ERG: variants seen among roughly 807,000 people sequenced by gnomAD.
ERG encodes the protein ETS transcription factor ERG.
A neutral mutation model predicts 55.3 loss-of-function variants in ERG; 9 were observed. That is an observed-to-expected ratio of 0.16 (90% confidence interval 0.10 to 0.28). The LOEUF (loss-of-function observed/expected upper bound fraction) is 0.28. ERG is among the 10% of genes least tolerant of loss of function. ERG has a pLI of 1.00. For missense variants in ERG, 434 were observed against 631.6 expected (o/e 0.69, Z 3.35); for synonymous variants, 223 against 237.3 (o/e 0.94, Z 0.55).
chr21:38,455,725 C>A (rs1412976054), intron 1 of ERG, among the ~76,000 whole-genome samples: 1 of 151,926 alleles, frequency 6.6e-6, no homozygotes, highest in Admixed American at 6.6e-5. Flanking sequence ...GGCCTCCACC[C>A]ACAACTCTGT....
chr21:38,462,525 T>C (rs1308228979), intron 1 of ERG, among the ~76,000 whole-genome samples: 5 of 152,194 alleles, frequency 3.3e-5, no homozygotes, highest in South Asian at 2.1e-4. Flanking sequence ...TAAGACACTT[T>C]ATGAAGAACA....
intron 1 of ERG, among the ~76,000 whole-genome samples, chr21:38,641,505 C>T (rs139208606): frequency 0.016 from 2,440 of 152,286 alleles, 54 homozygotes; most frequent in African/African-American, 0.055. Context: ...GTTGCATCTG[C>T]CCCTTCCCAC....
At chr21:38,429,746 TACAC>T (rs148029371) in intron 2 of ERG, among the ~76,000 whole-genome samples, 3 of 107,854 alleles carry the variant, frequency 2.8e-5, no homozygotes, top group Non-Finnish European at 6.1e-5. Flanking sequence ...TATATATATA[TACAC>T]ACACACACAC....
chr21:38,567,395 A>C (rs2059929790), intron 2 of ERG, among the ~76,000 whole-genome samples: 1 of 152,204 alleles, frequency 6.6e-6, no homozygotes, highest in African/African-American at 2.4e-5. Context: ...AGAAATTTTA[A>C]TTGTGCCATC....
At chr21:38,417,960 A>C (rs999526619) in intron 3 of ERG, among the ~76,000 whole-genome samples, 1 of 152,192 alleles carries the variant, frequency 6.6e-6, no homozygotes, top group African/African-American at 2.4e-5. Context: ...CTTGGTTAGC[A>C]CATCTCCATG....
chr21:38,463,943 G>C (rs976438929), intron 1 of ERG, among the ~76,000 whole-genome samples: 3 of 152,132 alleles, frequency 2.0e-5, no homozygotes. Flanking sequence ...TGCTACTGGG[G>C]TCATGGGTTA....
intron 2 of ERG, among the ~76,000 whole-genome samples, chr21:38,437,959 C>T (rs1172842217): frequency 6.6e-6 from 1 of 152,190 alleles, no homozygotes; most frequent in Non-Finnish European, 1.5e-5. Context: ...TCTGAACTCA[C>T]CAGAAAGTGA....
At chr21:38,654,536 C>A (rs2060507336) in intron 1 of ERG, among the ~76,000 whole-genome samples, 3 of 152,206 alleles carry the variant, frequency 2.0e-5, no homozygotes, top group Admixed American at 2.0e-4. Context: ...TCAATAATAT[C>A]CCTCTCTGTT....
intron 5 of ERG, among the ~76,000 whole-genome samples, chr21:38,401,199 G>T (rs1447353478): frequency 6.6e-6 from 1 of 152,110 alleles, no homozygotes; most frequent in Non-Finnish European, 1.5e-5. Context: ...TTTGGAATTT[G>T]TTGTCTTGTT....
At chr21:38,532,721 T>C (rs2059681617) in intron 2 of ERG, among the ~76,000 whole-genome samples, 1 of 152,250 alleles carries the variant, frequency 6.6e-6, no homozygotes, top group Non-Finnish European at 1.5e-5. Context: ...AAGTCTGACA[T>C]GGATTTTCAG....
At chr21:38,396,589 T>C (rs1324327503) in intron 6 of ERG, among the ~76,000 whole-genome samples, 1 of 152,222 alleles carries the variant, frequency 6.6e-6, no homozygotes, top group African/African-American at 2.4e-5. Flanking sequence ...CCCAGAGGCA[T>C]ATCATAATAT....
intron 2 of ERG, among the ~76,000 whole-genome samples, chr21:38,556,558 A>T (rs997357695): frequency 1.3e-5 from 2 of 152,152 alleles, no homozygotes; most frequent in Non-Finnish European, 2.9e-5. Flanking sequence ...CTTGGTACCC[A>T]GACAGACTAT....
At chr21:38,485,131 C>G (rs2059271251) in intron 1 of ERG, among the ~76,000 whole-genome samples, 1 of 151,966 alleles carries the variant, frequency 6.6e-6, no homozygotes, top group Non-Finnish European at 1.5e-5. Flanking sequence ...TGCAGACCTT[C>G]CAGTGGCACA....
chr21:38,515,559 C>T (rs539476854), intron 2 of ERG, among the ~76,000 whole-genome samples: 170 of 152,028 alleles, frequency 1.1e-3, no homozygotes, highest in Non-Finnish European at 2.2e-3. Flanking sequence ...AGAATTCTTC[C>T]TAATTCATTC....
At chr21:38,480,748 T>G (rs1002704438) in intron 1 of ERG, among the ~76,000 whole-genome samples, 1 of 152,050 alleles carries the variant, frequency 6.6e-6, no homozygotes, top group Non-Finnish European at 1.5e-5. Context: ...TCATGTAAAC[T>G]CCTTTGCCTG....
chr21:38,477,801 A>C (rs979384599), intron 1 of ERG, among the ~76,000 whole-genome samples: 4 of 152,246 alleles, frequency 2.6e-5, no homozygotes, highest in African/African-American at 9.6e-5. Context: ...AAGTACATGC[A>C]GAAAGTCATA....
At chr21:38,429,366 T>C (rs972559258) in intron 2 of ERG, among the ~76,000 whole-genome samples, 1 of 123,746 alleles carries the variant, frequency 8.1e-6, no homozygotes, top group Non-Finnish European at 1.8e-5. Context: ...ATATATAATA[T>C]GTACACATAT....
At chr21:38,604,179 G>T (rs113408185) in intron 1 of ERG, among the ~76,000 whole-genome samples, 1 of 151,218 alleles carries the variant, frequency 6.6e-6, no homozygotes, top group Admixed American at 6.6e-5. Context: ...GCGTGAACCC[G>T]GGAGGCGGAG....
intron 1 of ERG, among the ~76,000 whole-genome samples, chr21:38,633,539 C>T (rs2060369851): frequency 1.3e-5 from 2 of 152,210 alleles, no homozygotes; most frequent in Admixed American, 6.5e-5. Context: ...TTCACATACC[C>T]TGCTCCATGC....
Sources: allele counts gnomAD v4.1 joint callset (sites outside exome capture counted in the v4.1 genomes callset), GRCh38; gene constraint gnomAD v4.1.1; transcripts MANE v1.5; gene names NCBI Gene and HGNC (gene_info 2026-07-23, HGNC 2026-07-21).